The following PARP8 variants were observed in gnomAD, a reference collection of about 807,000 sequenced individuals.
The protein encoded by PARP8 is poly(ADP-ribose) polymerase family member 8, also known as protein mono-ADP-ribosyltransferase PARP8.
PARP8 carries 51 observed loss-of-function variants against 124.1 expected under a neutral mutation model. The ratio of observed to expected loss-of-function variants is 0.41; its 90% CI spans 0.33 to 0.52. PARP8 has a LOEUF of 0.52. Ranked by LOEUF, PARP8 falls within the 20% of genes least tolerant of loss-of-function variation. PARP8 has a pLI of 0.21. For missense variants in PARP8, 860 were observed against 1,018.9 expected (o/e 0.84, Z 2.12); for synonymous variants, 391 against 361.5 (o/e 1.08, Z -0.93).
intron 25 of PARP8, 80 bp downstream of exon 25, chr5:50,835,095 C>G: frequency 8.9e-7 from 1 of 1,122,098 alleles, no homozygotes; most frequent in Non-Finnish European, 1.3e-6. Flanking sequence ...CGTTTGGTCT[C>G]TTTAGCTGCC....
chr5:50,744,698 T>A, intron 2 of PARP8: 1 of 692,596 alleles, frequency 1.4e-6, no homozygotes, highest in Non-Finnish European at 2.6e-6. Flanking sequence ...AGTCAGCATA[T>A]CCCAAAATTC....
intron 25 of PARP8, among the ~76,000 whole-genome samples, chr5:50,835,454 C>T (rs534057689): frequency 5.9e-5 from 9 of 152,152 alleles, no homozygotes; most frequent in African/African-American, 1.7e-4. Context: ...GCAGGAGAAT[C>T]GCTTGAACCC....
chr5:50,813,839 GCACA>G (rs140386212), intron 14 of PARP8, among the ~76,000 whole-genome samples: 1 of 151,318 alleles, frequency 6.6e-6, no homozygotes, highest in Non-Finnish European at 1.5e-5. Flanking sequence ...ACACAGACAC[GCACA>G]CACACACACA....
chr5:50,828,093 A>G (rs534786966), intron 20 of PARP8, 37 bp downstream of exon 20: 5 of 1,442,464 alleles, frequency 3.5e-6, no homozygotes, highest in South Asian at 2.3e-5. Flanking sequence ...GTGTGCTCCC[A>G]TTAACATTTT....
chr5:50,796,612 G>A (rs2149653839), intron 12 of PARP8, among the ~76,000 whole-genome samples: 1 of 152,284 alleles, frequency 6.6e-6, no homozygotes, highest in East Asian at 1.9e-4. Context: ...TTCTTTGGAG[G>A]AATAATTGTA....
rs76483685 is a variant in PARP8, at chr5:50,785,499, G to A, written c.671-3024G>A. Among the ~76,000 whole-genome samples the A allele has an allele frequency of 5.5e-3, 843 of 152,244 alleles. 7 individuals are homozygous for A. The highest frequency in any genetic ancestry group is 0.019 in the African/African-American group (789 of 41,532). ...CTTCCCACTTTTTCTGTCTGCCTCTGAAGAGACTGTATCTTCTTAAATCTT... is the reference window on the plus strand; with the variant it reads ...CTTCCCACTTTTTCTGTCTGCCTCTAAAGAGACTGTATCTTCTTAAATCTT... On this transcript the variant is annotated intron_variant, in intron 9 of 25. Coordinates refer to ENST00000281631, the MANE Select transcript of PARP8 (RefSeq NM_024615.4).
At chr5:50,820,816 C>T (rs568659587) in intron 15 of PARP8, among the ~76,000 whole-genome samples, 3 of 152,278 alleles carry the variant, frequency 2.0e-5, no homozygotes, top group Non-Finnish European at 2.9e-5. Context: ...TTTTTTATAA[C>T]ATTTAACAGT....
Position 50,824,886 on chromosome 5 carries a change from A to G in PARP8, c.1861-22A>G, listed in dbSNP as rs747780990. On this transcript the variant is annotated intron_variant, in intron 17 of 25. Transcript: ENST00000281631. ...AAATGAATTTTTATGAAAAATCAAG[A>G]AGTATAATGACTTTTTTTCAGGCAC... 9.4e-6 allele frequency: 15 copies of G among 1,594,462 alleles called. No individual in the cohort carries two copies. In the East Asian group the frequency reaches 2.7e-4, roughly 29 times the overall value.
chr5:50,710,483 A>G (rs1754663975), intron 2 of PARP8, among the ~76,000 whole-genome samples: 1 of 152,104 alleles, frequency 6.6e-6, no homozygotes, highest in Non-Finnish European at 1.5e-5. Context: ...TTTATTTAGA[A>G]GGAAACCTTT....
At position 50,843,957 on chromosome 5, in the gene PARP8, G is replaced by A. The variant is rs780332405; in HGVS notation, c.*1889G>A. The A allele has an allele frequency of 5.9e-5, 9 of 151,806 alleles. No homozygotes were observed. The highest frequency in any genetic ancestry group is 1.0e-4 in the Non-Finnish European group (7 of 67,858). The allele number at this position is 151,806 out of a possible 1,614,324, so 9.4% of individuals were successfully genotyped here. On this transcript the variant is annotated 3_prime_UTR_variant, in exon 26 of 26. Transcript: ENST00000281631. ...CCTGTTTGACCACTAGGACCACTGA[G>A]GCACCTCCAATAAGCTCTGTAGAGT...
intron 2 of PARP8, among the ~76,000 whole-genome samples, chr5:50,689,911 C>T (rs1005652163): frequency 6.6e-6 from 1 of 152,182 alleles, no homozygotes; most frequent in African/African-American, 2.4e-5. Context: ...CTGGGACTGG[C>T]ATTTTTGGGA....
chr5:50,723,471 G>T (rs1304964030), intron 2 of PARP8, among the ~76,000 whole-genome samples: 2 of 151,972 alleles, frequency 1.3e-5, no homozygotes, highest in Non-Finnish European at 2.9e-5. Context: ...GATGAGAAGA[G>T]GCCTTTCCTT....
rs1748470459 is a variant in PARP8 at position 50,844,518 on chromosome 5, T to C, written c.*2450T>C. On this transcript the variant is annotated 3_prime_UTR_variant, in exon 26 of 26. Transcript: ENST00000281631. ...AGAGATTTGAACACTGTTATCATGC[T>C]TTAATTCAGTCATTCATTAAAATAT... 1 of 151,840 alleles carries C rather than the reference T, an allele frequency of 6.6e-6. No homozygotes were observed. Among genetic ancestry groups the C allele is most frequent in the Non-Finnish European group, 1.5e-5 (1 of 67,812 alleles). The allele number at this position is 151,840 out of a possible 1,614,324, so 9.4% of individuals were successfully genotyped here.
rs1244765031 is a variant in PARP8, at chr5:50,841,976, G to A, written c.2473G>A (p.Gly825Ser). Residue 825 changes from glycine (G) to serine (S), a missense_variant, in exon 26 of 26, where the codon GGC (glycine) becomes AGC (serine). By Grantham distance (56) the Gly-to-Ser change is moderately conservative. Coordinates refer to ENST00000281631, the MANE Select transcript of PARP8 (RefSeq NM_024615.4). ...CTRFFFVYED[G>S]QVGDANINTQ... ...TGTTTTGTATTTCAGCTATGAAGAC[G>A]GCCAAGTGGGAGATGCAAATATTAA... 1.9e-6 allele frequency: 3 copies of A among 1,592,166 alleles called. No individual in the cohort carries two copies. The South Asian group carries it at 3.4e-5, about 18-fold the overall frequency.
In PARP8 at chr5:50,829,860, CCTCT is replaced by C. The variant is rs201270854; in HGVS notation, c.2164-22_2164-19del. On this transcript the variant is annotated intron_variant, in intron 21 of 25. Coordinates refer to ENST00000281631, the MANE Select transcript of PARP8 (RefSeq NM_024615.4). ...TATTATCATTTAAACCATGAACAGA[CCTCT>C]CTCTCTCTCCCACTCTTCCCATCTT... 1.2e-5 allele frequency: 19 copies of C among 1,547,172 alleles called. No individual in the cohort carries two copies. The African/African-American group carries it at 2.3e-4, about 19-fold the overall frequency.
intron 14 of PARP8, among the ~76,000 whole-genome samples, chr5:50,810,889 T>A (rs759607403): frequency 3.3e-5 from 5 of 152,082 alleles, no homozygotes; most frequent in Non-Finnish European, 7.4e-5. Context: ...TATAAATTAA[T>A]CACATTATGA....
intron 17 of PARP8, among the ~76,000 whole-genome samples, chr5:50,824,509 G>A (rs1164179395): frequency 6.6e-6 from 1 of 152,160 alleles, no homozygotes; most frequent in Non-Finnish European, 1.5e-5. Context: ...GTTACAGAAG[G>A]GGATAAGTGG....
At chr5:50,787,210 TA>T (rs1445371763) in intron 9 of PARP8, among the ~76,000 whole-genome samples, 1 of 152,170 alleles carries the variant, frequency 6.6e-6, no homozygotes, top group Non-Finnish European at 1.5e-5. Flanking sequence ...CGAAGTTCTA[TA>T]TATCTTGCTT....
intron 14 of PARP8, among the ~76,000 whole-genome samples, chr5:50,802,487 CT>C (rs1743340860): frequency 6.6e-6 from 1 of 151,968 alleles, no homozygotes; most frequent in South Asian, 2.1e-4. Context: ...CCTGGCTAAT[CT>C]TTAAAAAAGT....
Sources: gnomAD v4.1 joint callset for allele counts (sites outside exome capture counted in the v4.1 genomes callset) on GRCh38, gnomAD v4.1.1 for gene constraint, MANE v1.5 for transcripts, NCBI Gene and HGNC (gene_info 2026-07-23, HGNC 2026-07-21) for gene names.